TGS1: variants seen among roughly 807,000 people sequenced by gnomAD.
TGS1 encodes the protein trimethylguanosine synthase 1, also known as trimethylguanosine synthase.
Under a neutral mutation model 92.2 loss-of-function variants are expected in TGS1, and 69 were observed. The observed-to-expected ratio is 0.75, with a 90% CI of 0.62 to 0.91. The LOEUF is 0.91. Ranked by LOEUF, TGS1 falls within the 40% of genes least tolerant of loss-of-function variation. The probability of loss-of-function intolerance (pLI) is 0.00; values close to 1 mark genes in which losing one functional copy is unlikely to be tolerated. For synonymous variants in TGS1, 345 were observed against 338.1 expected, an observed-to-expected ratio of 1.02 and a Z score of -0.22; for missense variants, 1,062 against 1,001.2, an observed-to-expected ratio of 1.06 and a Z score of -0.82.
At chr8:55,799,657 ATCCTTGACCCCCAGGGTT>A (rs1812166061) in intron 8 of TGS1, among the ~76,000 whole-genome samples, 1 of 152,142 alleles carries the variant, frequency 6.6e-6, no homozygotes, top group South Asian at 2.1e-4. Context: ...AGCTCACTAC[ATCCTTGACCCCCAGGGTT>A]CAAGCAGTCC....
chr8:55,814,961 C>T (rs1803438285), intron 12 of TGS1, among the ~76,000 whole-genome samples: 1 of 151,978 alleles, frequency 6.6e-6, no homozygotes, highest in South Asian at 2.1e-4. Flanking sequence ...GCTTTCTAGA[C>T]TGCCAGATAA....
rs149639403 is a variant in TGS1, at chr8:55,776,382, G to A, written c.101+2663G>A. Among the ~76,000 whole-genome samples, 1,361 of 149,214 alleles carry A rather than the reference G, an allele frequency of 9.1e-3. 26 individuals carry two copies. Among genetic ancestry groups the A allele is most frequent in the African/African-American group, 0.032 (1,297 of 40,500 alleles). On this transcript the variant is annotated intron_variant, in intron 1 of 12. Coordinates refer to ENST00000260129, the MANE Select transcript of TGS1 (RefSeq NM_024831.8). ...TGCAAGCTCCACCCCCTGGGTTCAC[G>A]CCATTCTCCTGCCTCAGCCCACCAA...
Position 55,810,922 on chromosome 8 carries a change from C to T in TGS1, c.2185C>T (p.Arg729Cys), listed in dbSNP as rs372060807. The change falls in exon 11 of 13, where the codon CGC (arginine) becomes TGC (cysteine). Residue 729 changes from arginine (R) to cysteine (C), a missense_variant. Coordinates refer to ENST00000260129, the MANE Select transcript of TGS1 (RefSeq NM_024831.8). ...DIDPVKIALA[R>C]NNAEVYGIAD... ...CGATCCTGTTAAGATTGCCCTTGCT[C>T]GCAATAATGCAGAAGTTTATGGGAT... 49 of 1,613,972 alleles carry T rather than the reference C, an allele frequency of 3.0e-5. No homozygotes were observed. The highest frequency in any genetic ancestry group is 1.6e-4 in the Middle Eastern group (1 of 6,084).
chr8:55,782,876 G>A, intron 2 of TGS1, 64 bp downstream of exon 2: 6 of 1,066,062 alleles, frequency 5.6e-6, no homozygotes, highest in Non-Finnish European at 8.4e-6. Context: ...GTTAATTTAT[G>A]TATAATTTGT....
At chr8:55,794,766 G>A (rs1472605977) in intron 6 of TGS1, among the ~76,000 whole-genome samples, 1 of 152,194 alleles carries the variant, frequency 6.6e-6, no homozygotes, top group Non-Finnish European at 1.5e-5. Flanking sequence ...AGACTAAACT[G>A]AGTAGGTAAA....
intron 12 of TGS1, among the ~76,000 whole-genome samples, chr8:55,815,673 C>A (rs1803454646): frequency 6.6e-6 from 1 of 152,062 alleles, no homozygotes; most frequent in Non-Finnish European, 1.5e-5. Flanking sequence ...AATACAAATA[C>A]AACTTATCTC....
intron 1 of TGS1, among the ~76,000 whole-genome samples, chr8:55,777,079 C>T (rs750250854): frequency 2.0e-5 from 3 of 151,964 alleles, no homozygotes; most frequent in Admixed American, 6.6e-5. Flanking sequence ...ACAATCACAG[C>T]TCACTGCAGC....
chr8:55,812,441 T>C lies in TGS1; in HGVS notation c.2361-599T>C, dbSNP rs183425431. On this transcript the variant is annotated intron_variant, in intron 11 of 12. Transcript: ENST00000260129. ...TACTCAGGAGGCTGAGGCAGGAGAA[T>C]AGCTTGAACCTGCCACTGCACTCCA... Among the ~76,000 whole-genome samples the C allele has an allele frequency of 1.2e-4, 17 of 140,938 alleles. No homozygotes were observed. The East Asian group carries it at 3.5e-3, about 29-fold the overall frequency. The allele number at this position is 140,938 out of a possible 152,430, so 92.5% of individuals were successfully genotyped here.
intron 4 of TGS1, among the ~76,000 whole-genome samples, chr8:55,788,781 T>G (rs1811792064): frequency 6.6e-6 from 1 of 152,210 alleles, no homozygotes. Flanking sequence ...GAAGATTTTA[T>G]ATTAGTATTC....
At chr8:55,813,328 A>G (rs1803387263) in intron 12 of TGS1, among the ~76,000 whole-genome samples, 1 of 152,216 alleles carries the variant, frequency 6.6e-6, no homozygotes, top group African/African-American at 2.4e-5. Flanking sequence ...ATAGACACAA[A>G]TAGAGCACTC....
intron 7 of TGS1, among the ~76,000 whole-genome samples, chr8:55,796,382 G>A (rs1812051296): frequency 6.6e-6 from 1 of 152,004 alleles, no homozygotes; most frequent in African/African-American, 2.4e-5. Context: ...AAGTACTAGT[G>A]TCTGAGATTA....
At chr8:55,796,225 A>G in intron 7 of TGS1, 73 bp downstream of exon 7, 1 of 1,181,546 alleles carries the variant, frequency 8.5e-7, no homozygotes, top group Non-Finnish European at 1.2e-6. Context: ...AAATTGTTGT[A>G]TTCAAATAGG....
intron 7 of TGS1, among the ~76,000 whole-genome samples, chr8:55,796,896 C>A (rs1352004610): frequency 6.6e-6 from 1 of 151,948 alleles, no homozygotes; most frequent in Non-Finnish European, 1.5e-5. Context: ...GAGGCTGAGG[C>A]AGGAGAATTG....
chr8:55,818,952 TTTC>T (rs1157881731), intron 12 of TGS1, among the ~76,000 whole-genome samples: 1 of 152,138 alleles, frequency 6.6e-6, no homozygotes, highest in Admixed American at 6.6e-5. Context: ...GTGGGGTTTT[TTTC>T]TTCTTTGGAG....
chr8:55,807,749 T>C (rs895135147), intron 10 of TGS1, among the ~76,000 whole-genome samples: 1 of 152,042 alleles, frequency 6.6e-6, no homozygotes, highest in African/African-American at 2.4e-5. Flanking sequence ...CAGGCTGGTC[T>C]TAAACCCCTG....
At chr8:55,817,354 AACTT>A (rs1803509899) in intron 12 of TGS1, among the ~76,000 whole-genome samples, 1 of 152,210 alleles carries the variant, frequency 6.6e-6, no homozygotes, top group African/African-American at 2.4e-5. Context: ...ATATTTCTAA[AACTT>A]ACCATATATA....
chr8:55,775,859 T>G (rs936372064), intron 1 of TGS1, among the ~76,000 whole-genome samples: 3 of 152,110 alleles, frequency 2.0e-5, no homozygotes, highest in Non-Finnish European at 2.9e-5. Context: ...CAAGAAGAGA[T>G]GGATTAACTA....
In TGS1 at chr8:55,781,173, A is replaced by G. The variant is rs544298588; in HGVS notation, c.102-1575A>G. Among the ~76,000 whole-genome samples the G allele has an allele frequency of 5.3e-5, 8 of 152,298 alleles. No homozygotes were observed. The South Asian group carries it at 1.0e-3, about 20-fold the overall frequency. On this transcript the variant is annotated intron_variant, in intron 1 of 12. Coordinates refer to ENST00000260129, the MANE Select transcript of TGS1 (RefSeq NM_024831.8). ...CATACATGAATGTGTCTGTGTATAT[A>G]TACACACATATGTAACACTTTTAAA...
intron 9 of TGS1, 44 bp from the exon 10 acceptor site, chr8:55,804,849 T>A (rs1812320257): frequency 6.3e-7 from 1 of 1,588,526 alleles, no homozygotes; most frequent in Non-Finnish European, 8.6e-7. Flanking sequence ...TTGCCTTGGC[T>A]TCTTGAAATT....
Sources: allele counts gnomAD v4.1 joint callset (sites outside exome capture counted in the v4.1 genomes callset), GRCh38; gene constraint gnomAD v4.1.1; transcripts MANE v1.5; gene names NCBI Gene and HGNC (gene_info 2026-07-23, HGNC 2026-07-21).